NAV3: variants seen among roughly 807,000 people sequenced by gnomAD.
NAV3 encodes pore membrane and/or filament interacting like protein 1.
A neutral mutation model predicts 244.7 loss-of-function variants in NAV3; 87 were observed. That is an observed-to-expected ratio of 0.36 (90% confidence interval 0.30 to 0.42). NAV3 has a LOEUF of 0.42. Ranked by LOEUF, NAV3 falls within the 20% of genes least tolerant of loss-of-function variation. NAV3 has a pLI of 1.00. For synonymous variants in NAV3, 1,126 were observed against 1,042.2 expected (o/e 1.08, Z -1.55); for missense variants, 2,663 against 2,893.3 (o/e 0.92, Z 1.83).
chr12:77,666,353 A>G (rs1331645777), intron 2 of NAV3, among the ~76,000 whole-genome samples: 2 of 152,136 alleles, frequency 1.3e-5, no homozygotes, highest in Non-Finnish European at 2.9e-5. Flanking sequence ...TAGACATGCA[A>G]CAGATACTCA....
intron 8 of NAV3, among the ~76,000 whole-genome samples, chr12:78,015,748 G>A (rs796854974): frequency 2.6e-4 from 40 of 152,150 alleles, no homozygotes; most frequent in African/African-American, 9.6e-4. Context: ...TGACCCACAA[G>A]TTTTAGCATC....
intron 2 of NAV3, among the ~76,000 whole-genome samples, chr12:77,607,508 G>T (rs983975162): frequency 1.3e-5 from 2 of 152,040 alleles, no homozygotes; most frequent in African/African-American, 4.8e-5. Context: ...TTTAAAACTT[G>T]AATTTTTGTG....
intron 18 of NAV3, among the ~76,000 whole-genome samples, chr12:78,133,418 C>T (rs1318829890): frequency 6.6e-6 from 1 of 150,752 alleles, no homozygotes; most frequent in Admixed American, 6.6e-5. Context: ...TATATACTTA[C>T]CTTAAATATG....
At chr12:77,816,303 T>C (rs894062581) in intron 2 of NAV3, among the ~76,000 whole-genome samples, 1 of 152,160 alleles carries the variant, frequency 6.6e-6, no homozygotes, top group Non-Finnish European at 1.5e-5. Context: ...TTTAACTCAG[T>C]AACAGCAGAA....
chr12:77,869,479 A>G (rs1191828850), intron 1 of NAV3, among the ~76,000 whole-genome samples: 3 of 152,240 alleles, frequency 2.0e-5, no homozygotes, highest in Non-Finnish European at 2.9e-5. Context: ...GTCTTAATGC[A>G]TATGACCCTA....
chr12:77,663,893 T>C (rs925754729), intron 2 of NAV3, among the ~76,000 whole-genome samples: 4 of 152,242 alleles, frequency 2.6e-5, no homozygotes, highest in African/African-American at 9.6e-5. Flanking sequence ...TAGTTATATG[T>C]AGATATATAT....
intron 1 of NAV3, among the ~76,000 whole-genome samples, chr12:77,844,737 T>C (rs1002181583): frequency 1.1e-4 from 17 of 152,316 alleles, no homozygotes; most frequent in African/African-American, 4.1e-4. Context: ...ATATGATACA[T>C]GGGCATACTT....
At chr12:77,718,984 G>C (rs542287420) in intron 2 of NAV3, among the ~76,000 whole-genome samples, 1 of 151,940 alleles carries the variant, frequency 6.6e-6, no homozygotes, top group African/African-American at 2.4e-5. Flanking sequence ...TTATTCCTTC[G>C]CTGATTTCTT....
chr12:77,701,626 A>G (rs1156888809), intron 2 of NAV3, among the ~76,000 whole-genome samples: 1 of 151,848 alleles, frequency 6.6e-6, no homozygotes, highest in African/African-American at 2.4e-5. Context: ...GAATGTATAA[A>G]TTTTCCATAA....
At chr12:77,902,305 A>T (rs1325261115) in intron 1 of NAV3, among the ~76,000 whole-genome samples, 1 of 152,212 alleles carries the variant, frequency 6.6e-6, no homozygotes, top group African/African-American at 2.4e-5. Context: ...GCCATTTCAT[A>T]GAAAGAACTA....
At chr12:77,991,754 T>A (rs1401530482) in intron 5 of NAV3, among the ~76,000 whole-genome samples, 1 of 152,174 alleles carries the variant, frequency 6.6e-6, no homozygotes, top group Admixed American at 6.5e-5. Context: ...TTTATAAGGC[T>A]TGGTGCAGTG....
Position 77,837,019 on chromosome 12 carries a change from A to T in NAV3, c.243+5315A>T, listed in dbSNP as rs773527814. ...AAAACAGTAGTTAAAATAAATATTTAAAATAAGCATAAATAATATTGTCAT... is the reference window on the plus strand; with the variant it reads ...AAAACAGTAGTTAAAATAAATATTTTAAATAAGCATAAATAATATTGTCAT... On this transcript the variant is annotated intron_variant, in intron 1 of 39. Transcript: ENST00000397909. Among the ~76,000 whole-genome samples the T allele has an allele frequency of 3.2e-4, 48 of 152,292 alleles. No homozygotes were observed. In the Middle Eastern group the frequency reaches 0.017, roughly 54 times the overall value.
intron 2 of NAV3, among the ~76,000 whole-genome samples, chr12:77,630,098 CTGGACAA>C (rs1210993420): frequency 6.6e-6 from 1 of 152,138 alleles, no homozygotes; most frequent in African/African-American, 2.4e-5. Context: ...CAGTTAGGAT[CTGGACAA>C]TGGACTCCAG....
intron 1 of NAV3, among the ~76,000 whole-genome samples, chr12:77,885,742 A>G (rs918702080): frequency 1.3e-5 from 2 of 152,140 alleles, no homozygotes; most frequent in African/African-American, 4.8e-5. Flanking sequence ...TTCTTAAAAG[A>G]ACATTGCTTG....
chr12:77,819,686 G>A (rs1872657295), intron 2 of NAV3, among the ~76,000 whole-genome samples: 1 of 152,080 alleles, frequency 6.6e-6, no homozygotes, highest in Admixed American at 6.6e-5. Context: ...CACAGGAAAA[G>A]TGAAGAAGTT....
In NAV3 at chr12:78,022,174, T is replaced by C. The variant is rs563890526; in HGVS notation, c.2023+312T>C. On this transcript the variant is annotated intron_variant, in intron 9 of 39. Transcript: ENST00000397909. ...TTGAAAATAAACTAATGATTGGCCA[T>C]GTATATTCTCCATGGCTAATGCAGC... Among the ~76,000 whole-genome samples the C allele has an allele frequency of 5.3e-5, 8 of 152,256 alleles. No homozygotes were observed. In the East Asian group the frequency reaches 1.5e-3, roughly 29 times the overall value.
chr12:77,849,266 ATAAT>A lies in NAV3; in HGVS notation c.243+17565_243+17568del, dbSNP rs150420162. Among the ~76,000 whole-genome samples the A allele has an allele frequency of 6.4e-3, 975 of 152,316 alleles. 13 individuals carry two copies. The highest frequency in any genetic ancestry group is 0.022 in the African/African-American group (897 of 41,576). Reference sequence around the variant, plus strand: ...TTTAAACATATGTGTTGAATAAAAAATAATTATTTTTATGATTGTATTACTTTGA... The same window carrying A: ...TTTAAACATATGTGTTGAATAAAAAATATTTTTATGATTGTATTACTTTGA... On this transcript the variant is annotated intron_variant, in intron 1 of 39. Coordinates refer to ENST00000397909, the MANE Select transcript of NAV3 (RefSeq NM_001024383.2).
chr12:77,878,618 G>A (rs773961174), intron 1 of NAV3, among the ~76,000 whole-genome samples: 1 of 151,336 alleles, frequency 6.6e-6, no homozygotes, highest in Non-Finnish European at 1.5e-5. Flanking sequence ...TGGGTACTGA[G>A]CATATGGAAA....
At chr12:77,916,570 G>T (rs916390518) in intron 1 of NAV3, among the ~76,000 whole-genome samples, 1 of 151,928 alleles carries the variant, frequency 6.6e-6, no homozygotes, top group Non-Finnish European at 1.5e-5. Context: ...TAAAGCACAA[G>T]ATCTAACTAA....
Sources: allele counts gnomAD v4.1 joint callset (sites outside exome capture counted in the v4.1 genomes callset), GRCh38; gene constraint gnomAD v4.1.1; transcripts MANE v1.5; gene names NCBI Gene and HGNC (gene_info 2026-07-23, HGNC 2026-07-21).